PRPSAP1: variants seen among roughly 807,000 people sequenced by gnomAD.
The protein encoded by PRPSAP1 is phosphoribosyl pyrophosphate synthase-associated protein 1.
Under a neutral mutation model 39.4 loss-of-function variants are expected in PRPSAP1, and 31 were observed. The observed-to-expected ratio is 0.79, with a 90% confidence interval of 0.59 to 1.06. PRPSAP1 has a LOEUF of 1.06. Ranked by LOEUF, PRPSAP1 falls within the 50% of genes least tolerant of loss-of-function variation. PRPSAP1 has a pLI of 0.00. For missense variants in PRPSAP1, 430 were observed against 511.6 expected (o/e 0.84, Z 1.54); for synonymous variants, 212 against 192.6 (o/e 1.10, Z -0.83).
intron 7 of PRPSAP1, among the ~76,000 whole-genome samples, chr17:76,321,019 C>T (rs1200936088): frequency 6.6e-6 from 1 of 151,942 alleles, no homozygotes; most frequent in African/African-American, 2.4e-5. Flanking sequence ...CTGGGCTCAA[C>T]TGATCCTGGC....
At chr17:76,325,988 T>C (rs1201226432) in intron 7 of PRPSAP1, among the ~76,000 whole-genome samples, 1 of 152,152 alleles carries the variant, frequency 6.6e-6, no homozygotes, top group African/African-American at 2.4e-5. Context: ...ATTGAGCATT[T>C]AACAGACTAC....
At chr17:76,319,902 G>C (rs149903731) in intron 7 of PRPSAP1, among the ~76,000 whole-genome samples, 39 of 152,242 alleles carry the variant, frequency 2.6e-4, no homozygotes, top group African/African-American at 8.7e-4. Context: ...AAAAGTGTTG[G>C]GGACATGCCA....
chr17:76,342,441 TG>T (rs2071449862), intron 3 of PRPSAP1, among the ~76,000 whole-genome samples: 1 of 152,038 alleles, frequency 6.6e-6, no homozygotes, highest in Non-Finnish European at 1.5e-5. Flanking sequence ...AGGCCGGGTG[TG>T]GTGGTTCATG....
intron 7 of PRPSAP1, among the ~76,000 whole-genome samples, chr17:76,321,882 GAT>G (rs2071201950): frequency 7.4e-6 from 1 of 135,190 alleles, no homozygotes; most frequent in Non-Finnish European, 1.5e-5. Flanking sequence ...CCTTATTACT[GAT>G]ACAGAGAAGT....
chr17:76,332,530 G>A (rs2071333860), intron 3 of PRPSAP1, 95 bp from the exon 4 acceptor site: 3 of 1,378,134 alleles, frequency 2.2e-6, no homozygotes, highest in Non-Finnish European at 3.0e-6. Flanking sequence ...CTGCCCAGAT[G>A]GGTGTTGTGG....
chr17:76,315,700 CTTTTTTTTTTTTTTTT>C (rs71161279), intron 7 of PRPSAP1, among the ~76,000 whole-genome samples: 2 of 72,640 alleles, frequency 2.8e-5, no homozygotes, highest in African/African-American at 1.3e-4. Flanking sequence ...GACCTATCCG[CTTTTTTTTTTTTTTTT>C]TTTTTTTTTT....
At chr17:76,332,579 G>T in intron 3 of PRPSAP1, 144 bp from the exon 4 acceptor site, 1 of 905,384 alleles carries the variant, frequency 1.1e-6, no homozygotes, top group Non-Finnish European at 1.6e-6. Context: ...GGCACCTCAT[G>T]AAGGCAGGGG....
intron 1 of PRPSAP1, chr17:76,353,330 A>C: frequency 1.8e-6 from 1 of 544,716 alleles, no homozygotes; most frequent in South Asian, 2.6e-5. Context: ...GAGGTCACCG[A>C]GAGTCCGCCC....
chr17:76,328,121 C>T (rs1356679957), intron 7 of PRPSAP1, among the ~76,000 whole-genome samples: 2 of 151,400 alleles, frequency 1.3e-5, no homozygotes, highest in Non-Finnish European at 2.9e-5. Flanking sequence ...CACTTGCGCC[C>T]CGGTCAAGGC....
chr17:76,353,369 C>T (rs953659955), intron 1 of PRPSAP1, 165 bp downstream of exon 1: 3 of 664,884 alleles, frequency 4.5e-6, no homozygotes, highest in South Asian at 2.5e-5. Flanking sequence ...AACCGGGGAG[C>T]GGGGGGCGGT....
chr17:76,353,010 G>C (rs562450399), intron 1 of PRPSAP1: 5 of 153,126 alleles, frequency 3.3e-5, no homozygotes, highest in Non-Finnish European at 7.3e-5. Flanking sequence ...CACCAGCTCC[G>C]GCCCATCTGC....
At chr17:76,342,722 TAAA>T (rs1216047984) in intron 3 of PRPSAP1, among the ~76,000 whole-genome samples, 4 of 120,480 alleles carry the variant, frequency 3.3e-5, no homozygotes, top group Non-Finnish European at 5.4e-5. Flanking sequence ...TGTCTCAAAT[TAAA>T]AAAAAAAAAA....
At chr17:76,342,205 A>T (rs2071447308) in intron 3 of PRPSAP1, among the ~76,000 whole-genome samples, 1 of 152,136 alleles carries the variant, frequency 6.6e-6, no homozygotes, top group South Asian at 2.1e-4. Context: ...GTATCAGCAT[A>T]AGACTAGAAA....
intron 2 of PRPSAP1, among the ~76,000 whole-genome samples, chr17:76,348,032 G>A (rs1261534171): frequency 6.6e-6 from 1 of 152,090 alleles, no homozygotes; most frequent in Non-Finnish European, 1.5e-5. Context: ...TAGAAATAAC[G>A]TGGTGGAAGC....
chr17:76,321,689 AG>A (rs1354830798), intron 7 of PRPSAP1, among the ~76,000 whole-genome samples: 1 of 152,182 alleles, frequency 6.6e-6, no homozygotes, highest in Non-Finnish European at 1.5e-5. Context: ...TTTAAGTGAA[AG>A]GAAGAGCCCC....
intron 7 of PRPSAP1, among the ~76,000 whole-genome samples, chr17:76,315,483 C>G (rs73996323): frequency 0.13 from 19,276 of 151,948 alleles, 2,866 homozygotes; most frequent in African/African-American, 0.36. Context: ...CTGAAATTCA[C>G]CACTACTTTA....
chr17:76,331,591 G>A (rs559807193), intron 4 of PRPSAP1, among the ~76,000 whole-genome samples: 2 of 152,108 alleles, frequency 1.3e-5, no homozygotes, highest in African/African-American at 4.8e-5. Context: ...CATTTTATAT[G>A]GAAGACTTGA....
chr17:76,339,330 G>T lies in PRPSAP1; in HGVS notation c.290+5341C>A, dbSNP rs1363175892. On this transcript the variant is annotated intron_variant, in intron 3 of 9. Coordinates refer to ENST00000446526, the MANE Select transcript of PRPSAP1 (RefSeq NM_002766.3). ...TGAGGCAGGAGAATTGCTTGAACCT[G>T]GGAGGCAGAGGTTGCAGTGAGCCGA... Among the ~76,000 whole-genome samples, 6 of 151,206 alleles carry T rather than the reference G, an allele frequency of 4.0e-5. 1 individual carries two copies. Among genetic ancestry groups the T allele is most frequent in the African/African-American group, 1.5e-4 (6 of 40,862 alleles).
chr17:76,348,120 A>G (rs2071529942), intron 2 of PRPSAP1, among the ~76,000 whole-genome samples: 1 of 152,112 alleles, frequency 6.6e-6, no homozygotes, highest in African/African-American at 2.4e-5. Flanking sequence ...TCAGAAGTTC[A>G]AGACCAGCCT....
Sources: gnomAD v4.1 joint callset for allele counts (sites outside exome capture counted in the v4.1 genomes callset) on GRCh38, gnomAD v4.1.1 for gene constraint, MANE v1.5 for transcripts, NCBI Gene and HGNC (gene_info 2026-07-23, HGNC 2026-07-21) for gene names.